The following RNASEH2B variants were observed in gnomAD, a reference collection of about 807,000 sequenced individuals.
The protein encoded by RNASEH2B is ribonuclease H2 subunit B, also known as Aicardi-Goutieres syndrome 2 protein.
In RNASEH2B, 36 loss-of-function variants were observed where a neutral mutation model predicts 45.0. The observed-to-expected ratio is 0.80, with a 90% confidence interval of 0.61 to 1.06. The LOEUF is 1.06. Ranked by LOEUF, RNASEH2B falls within the 50% of genes least tolerant of loss-of-function variation. RNASEH2B has a pLI of 0.00. For missense variants in RNASEH2B, 361 were observed against 360.3 expected (o/e 1.00, Z -0.02); for synonymous variants, 119 against 125.7 (o/e 0.95, Z 0.35).
rs1035403248 is a variant in RNASEH2B, at chr13:50,917,271, G to A, written c.64+7131G>A. Among the ~76,000 whole-genome samples, 7 of 152,188 alleles carry A rather than the reference G, an allele frequency of 4.6e-5. No individual in the cohort carries two copies. In the East Asian group the frequency reaches 9.6e-4, roughly 21 times the overall value. On this transcript the variant is annotated intron_variant, in intron 1 of 10. Transcript: ENST00000336617. Reference sequence around the variant, plus strand: ...AGACAGCAGAGGAACTAGCTACCACGTCGTTTCACCAGTGGGACTCTGAGC... The same window carrying A: ...AGACAGCAGAGGAACTAGCTACCACATCGTTTCACCAGTGGGACTCTGAGC...
rs761380890 is a variant in RNASEH2B, at chr13:50,930,742, A to G, written c.304A>G (p.Ile102Val). ...DPLFLLLHYL[I>V]KADKEGKFQP... Reference sequence around the variant, plus strand: ...TCTATTTCTGCTTCTCCACTACCTCATAAAGGCTGATAAGGAGGTGAGTTT... The same window carrying G: ...TCTATTTCTGCTTCTCCACTACCTCGTAAAGGCTGATAAGGAGGTGAGTTT... Residue 102 changes from isoleucine to valine, a missense_variant, in exon 4 of 11, where the codon ATA becomes GTA. Ile to Val is a conservative substitution (Grantham distance 29). Coordinates refer to ENST00000336617, the MANE Select transcript of RNASEH2B (RefSeq NM_024570.4). 14 of 1,613,228 alleles carry G rather than the reference A, an allele frequency of 8.7e-6. No individual in the cohort carries two copies. Among genetic ancestry groups the G allele is most frequent in the South Asian group, 6.6e-5 (6 of 91,076 alleles).
intron 5 of RNASEH2B, chr13:50,940,754 GT>G (rs1347231771): frequency 6.6e-6 from 1 of 152,240 alleles, no homozygotes; most frequent in Non-Finnish European, 1.5e-5. Flanking sequence ...AAAGGATACA[GT>G]TGACTTTGGA....
chr13:50,940,483 T>A (rs949391678), intron 5 of RNASEH2B, among the ~76,000 whole-genome samples: 38 of 152,256 alleles, frequency 2.5e-4, no homozygotes, highest in Admixed American at 1.3e-3. Context: ...GTATTTATTT[T>A]TACTTGCCCC....
chr13:50,910,179 ACTGGCGGAGCGGCCCGCGACCC>A (rs1879272535), intron 1 of RNASEH2B, 39 bp downstream of exon 1: 43 of 1,365,830 alleles, frequency 3.1e-5, no homozygotes, highest in Non-Finnish European at 4.1e-5. Context: ...CGGCCCAAGA[ACTGGCGGAGCGGCCCGCGACCC>A]CGGGCGCGCC....
intron 1 of RNASEH2B, among the ~76,000 whole-genome samples, chr13:50,920,281 G>A (rs1951507485): frequency 6.6e-6 from 1 of 152,184 alleles, no homozygotes; most frequent in Non-Finnish European, 1.5e-5. Flanking sequence ...CTGGCCTCAA[G>A]TGATCTGCCT....
intron 1 of RNASEH2B, among the ~76,000 whole-genome samples, chr13:50,916,506 A>G (rs1879755209): frequency 6.6e-6 from 1 of 152,260 alleles, no homozygotes; most frequent in Middle Eastern, 3.2e-3. Context: ...TGCTTCAGAC[A>G]GTAGACAGTA....
chr13:50,943,115 A>C, intron 5 of RNASEH2B: 1 of 500,082 alleles, frequency 2.0e-6, no homozygotes, highest in Non-Finnish European at 3.6e-6. Context: ...ATTCTTACTC[A>C]TTTAGTGGTT....
At chr13:50,911,472 T>C (rs1004726728) in intron 1 of RNASEH2B, 2 of 152,220 alleles carry the variant, frequency 1.3e-5, no homozygotes, top group Non-Finnish European at 2.9e-5. Context: ...TTAGGCGGCT[T>C]TTGGTAGACA....
downstream of RNASEH2B, among the ~76,000 whole-genome samples, chr13:50,958,184 G>A (rs1952074813): frequency 6.6e-6 from 1 of 152,162 alleles, no homozygotes; most frequent in Non-Finnish European, 1.5e-5. Flanking sequence ...GTTGAGAAGG[G>A]TATTTCCTAG....
intron 10 of RNASEH2B, chr13:50,955,809 A>G (rs1952039635): frequency 6.4e-6 from 1 of 156,362 alleles, no homozygotes; most frequent in African/African-American, 2.4e-5. Context: ...TACAGGGCAG[A>G]ATTATTTGGA....
intron 10 of RNASEH2B, chr13:50,955,624 A>G (rs1269800222): frequency 6.6e-6 from 1 of 152,260 alleles, no homozygotes; most frequent in African/African-American, 2.4e-5. Flanking sequence ...TTTGTCTTAC[A>G]GTTCCCAGGG....
intron 5 of RNASEH2B, 103 bp downstream of exon 5, chr13:50,935,102 A>C: frequency 1.3e-6 from 1 of 750,144 alleles, no homozygotes; most frequent in Admixed American, 2.0e-5. Flanking sequence ...TTCTGTGTCC[A>C]CCATAGGGAA....
chr13:50,970,351 C>G (rs1952209512), exon 10 of RNASEH2B: 1 of 456,532 alleles, frequency 2.2e-6, no homozygotes. Flanking sequence ...CTTTAAAAAT[C>G]TGACACTGCT....
intron 5 of RNASEH2B, among the ~76,000 whole-genome samples, chr13:50,939,433 T>C (rs1239084202): frequency 6.6e-6 from 1 of 151,932 alleles, no homozygotes; most frequent in East Asian, 1.9e-4. Flanking sequence ...GGAGGAAAGA[T>C]CACTTGAGCC....
At chr13:50,910,837 G>T (rs1335281048) in intron 1 of RNASEH2B, 1 of 152,192 alleles carries the variant, frequency 6.6e-6, no homozygotes. Context: ...AAGCCAGAAA[G>T]GTTTGGTCTT....
intron 1 of RNASEH2B, among the ~76,000 whole-genome samples, chr13:50,919,340 C>A (rs1049318988): frequency 6.6e-6 from 1 of 152,198 alleles, no homozygotes; most frequent in Non-Finnish European, 1.5e-5. Context: ...ATGGTTAAGT[C>A]TGTGCATTAA....
In RNASEH2B at chr13:50,970,280, A is replaced by G. The variant is rs115601793; in HGVS notation, c.*316A>G. 4.4e-3 allele frequency: 2,289 copies of G among 514,930 alleles called. 42 individuals are homozygous for G. The highest frequency in any genetic ancestry group is 0.042 in the African/African-American group (2,125 of 50,028). The allele number at this position is 514,930 out of a possible 1,614,324, so 31.9% of individuals were successfully genotyped here. A position where few individuals can be genotyped will look rare whatever the true frequency, so the allele number is the denominator to read the frequency against. On this transcript the variant is annotated 3_prime_UTR_variant, in exon 10 of 10. Transcript: ENST00000422660. ...GTTTTAGGTATGGATGTGGTGACTT[A>G]AAGTACTTGATTGTCTTGATTTCAC... is the stretch of plus-strand genomic sequence containing the variant.
At chr13:50,920,451 C>T (rs1951509807) in intron 1 of RNASEH2B, among the ~76,000 whole-genome samples, 1 of 152,170 alleles carries the variant, frequency 6.6e-6, no homozygotes, top group Non-Finnish European at 1.5e-5. Flanking sequence ...GAGATAACTA[C>T]TCTGGAATCA....
intron 1 of RNASEH2B, among the ~76,000 whole-genome samples, chr13:50,926,835 T>TAAAA (rs3042189): frequency 0.48 from 71,366 of 148,438 alleles, 17,651 homozygotes; most frequent in Non-Finnish European, 0.52. Context: ...CACAAAGTAG[T>TAAAA]AAAAAAAAAG....
Sources: gnomAD v4.1 joint callset for allele counts (sites outside exome capture counted in the v4.1 genomes callset) on GRCh38, gnomAD v4.1.1 for gene constraint, MANE v1.5 for transcripts, NCBI Gene and HGNC (gene_info 2026-07-23, HGNC 2026-07-21) for gene names.